The following LMO2 variants were observed in gnomAD, a reference collection of about 807,000 sequenced individuals.
The protein encoded by LMO2 is rhombotin-2.
Under a neutral mutation model 23.2 loss-of-function variants are expected in LMO2, and 20 were observed. The ratio of observed to expected loss-of-function variants is 0.86; its 90% CI spans 0.61 to 1.25. The LOEUF is 1.25. Ranked by LOEUF, LMO2 falls within the 50% of genes most tolerant of loss-of-function variation. The pLI, the probability that LMO2 is intolerant of heterozygous loss-of-function variation, is 0.00. For synonymous variants in LMO2, 123 were observed against 130.2 expected, an observed-to-expected ratio of 0.94 and a Z score of 0.38; for missense variants, 270 against 315.3, an observed-to-expected ratio of 0.86 and a Z score of 1.09.
chr11:33,873,636 C>T lies in LMO2; in HGVS notation c.-271-3649G>A, dbSNP rs1590645529. Reference sequence around the variant, plus strand: ...AGTTGAGAAAATCTCTATTTGATCCCTGCCAGTGGGACTGAAATTTCATTC... The same window carrying T: ...AGTTGAGAAAATCTCTATTTGATCCTTGCCAGTGGGACTGAAATTTCATTC... On this transcript the variant is annotated intron_variant, in intron 2 of 5. Transcript: ENST00000257818. Among the ~76,000 whole-genome samples the T allele has an allele frequency of 2.6e-5, 4 of 152,284 alleles. No individual in the cohort carries two copies. In the South Asian group the frequency reaches 8.3e-4, roughly 32 times the overall value.
rs1565034727 is a variant in LMO2, at chr11:33,880,254, T to TATATATATCATATATACACATG, written c.-272+1569_-272+1570insCATGTGTATATATGATATATAT. Among the ~76,000 whole-genome samples the TATATATATCATATATACACATG allele has an allele frequency of 0.084, 3,957 of 47,246 alleles. 912 individuals are homozygous for TATATATATCATATATACACATG. Among genetic ancestry groups the TATATATATCATATATACACATG allele is most frequent in the Non-Finnish European group, 0.11 (2,319 of 20,198 alleles). 31.0% of individuals were successfully genotyped at this position (47,246 alleles called of 152,430 possible). A position where few individuals can be genotyped will look rare whatever the true frequency, so the allele number is the denominator to read the frequency against. On this transcript the variant is annotated intron_variant, in intron 2 of 5. Coordinates refer to ENST00000257818, the MANE Select transcript of LMO2 (RefSeq NM_005574.4). This position sits in a 1 kb window ranked among gnomAD's most constrained non-coding sequence, Gnocchi z 4.3. ...ATATATATATCATATATACACATGATATATATATCATACATACACATGATA... is the reference window on the plus strand; with the variant it reads ...ATATATATATCATATATACACATGATATATATATCATATATACACATGATATATATCATACATACACATGATA...
intron 5 of LMO2, among the ~76,000 whole-genome samples, chr11:33,861,018 G>A (rs1856555099): frequency 6.6e-6 from 1 of 152,178 alleles, no homozygotes; most frequent in Admixed American, 6.5e-5. Flanking sequence ...AGAGACCTCT[G>A]ATTCTCTGAG....
intron 1 of LMO2, among the ~76,000 whole-genome samples, chr11:33,883,056 A>C (rs1334758640): frequency 6.6e-6 from 1 of 152,074 alleles, no homozygotes; most frequent in Non-Finnish European, 1.5e-5. Flanking sequence ...CCGTTATTTA[A>C]TTTTCATCAT....
chr11:33,890,746 G>A (rs1237183480), intron 1 of LMO2, among the ~76,000 whole-genome samples: 1 of 152,022 alleles, frequency 6.6e-6, no homozygotes, highest in African/African-American at 2.4e-5. Context: ...TGACTGATGA[G>A]GGCTAAGTAC....
rs1399014954 is a variant in LMO2 at position 33,880,215 on chromosome 11, C to CATATATACACATGATATATATATT, written c.-272+1608_-272+1609insAATATATATATCATGTGTATATAT. Reference sequence around the variant, plus strand: ...TCATATATACACATGATATATATATCATATATACACATGATATATATATCA... The same window carrying CATATATACACATGATATATATATT: ...TCATATATACACATGATATATATATCATATATACACATGATATATATATTATATATACACATGATATATATATCA... On this transcript the variant is annotated intron_variant, in intron 2 of 5. Transcript: ENST00000257818. The surrounding 1 kb of genome is among the most constrained non-coding windows in gnomAD (Gnocchi z 4.3). 9.7e-5 allele frequency among the ~76,000 whole-genome samples: 14 copies of CATATATACACATGATATATATATT among 144,710 alleles called. 1 individual carries two copies. Among genetic ancestry groups the CATATATACACATGATATATATATT allele is most frequent in the African/African-American group, 3.1e-4 (12 of 38,660 alleles). 94.9% of individuals were successfully genotyped at this position (144,710 alleles called of 152,430 possible). A position where few individuals can be genotyped will look rare whatever the true frequency, so the allele number is the denominator to read the frequency against.
At chr11:33,879,385 T>C (rs1857209268) in intron 2 of LMO2, among the ~76,000 whole-genome samples, 1 of 150,628 alleles carries the variant, frequency 6.6e-6, no homozygotes, top group Non-Finnish European at 1.5e-5. Flanking sequence ...TTTGGGAGGC[T>C]GAGGTGGGTG....
chr11:33,871,307 T>C (rs1328674919), intron 2 of LMO2, among the ~76,000 whole-genome samples: 2 of 151,848 alleles, frequency 1.3e-5, no homozygotes, highest in Non-Finnish European at 2.9e-5. Context: ...AAAAGACTTT[T>C]TCGGCTGTGC....
intron 1 of LMO2, among the ~76,000 whole-genome samples, chr11:33,889,414 A>G (rs979522272): frequency 1.3e-5 from 2 of 152,302 alleles, no homozygotes; most frequent in Non-Finnish European, 2.9e-5. Context: ...CATCCGTTCA[A>G]CAGAATCGCT....
Position 33,877,341 on chromosome 11 carries a change from G to C in LMO2, c.-272+4483C>G, listed in dbSNP as rs565884546. ...GAGGAAGTGGGGAGGATGAGGACAG[G>C]TCGCTGCTGGGGCAGCTGTGTTTTC... On this transcript the variant is annotated intron_variant, in intron 2 of 5. Transcript: ENST00000257818. 7.2e-5 allele frequency among the ~76,000 whole-genome samples: 11 copies of C among 152,312 alleles called. 1 individual carries two copies. In the South Asian group the frequency reaches 1.9e-3, roughly 26 times the overall value.
At chr11:33,871,144 G>C (rs1246075208) in intron 2 of LMO2, 2 of 789,082 alleles carry the variant, frequency 2.5e-6, no homozygotes, top group Non-Finnish European at 3.1e-6. Context: ...GCATGCTCTT[G>C]TCATTTTCTG....
At chr11:33,889,132 AT>A (rs2133720740) in intron 1 of LMO2, among the ~76,000 whole-genome samples, 1 of 152,348 alleles carries the variant, frequency 6.6e-6, no homozygotes, top group South Asian at 2.1e-4. Flanking sequence ...TGACAAGGTC[AT>A]TTGGAGCTCT....
At chr11:33,886,061 A>G (rs1288707689) in intron 1 of LMO2, among the ~76,000 whole-genome samples, 1 of 152,068 alleles carries the variant, frequency 6.6e-6, no homozygotes, top group East Asian at 1.9e-4. Context: ...TATTTTTAGT[A>G]GAGACGGGGT....
intron 1 of LMO2, among the ~76,000 whole-genome samples, chr11:33,883,013 T>C (rs1857323240): frequency 1.3e-5 from 2 of 152,358 alleles, no homozygotes; most frequent in Middle Eastern, 3.4e-3. Context: ...ATACCTGATC[T>C]AAAAAATAGC....
At chr11:33,869,626 G>A (rs1856937004) in intron 3 of LMO2, 40 bp from the exon 4 acceptor site, 5 of 1,261,708 alleles carry the variant, frequency 4.0e-6, no homozygotes, top group Non-Finnish European at 5.0e-6. Flanking sequence ...ACCGGGCTGC[G>A]GGCGCGCCGC....
chr11:33,879,352 G>C (rs538217701), intron 2 of LMO2, among the ~76,000 whole-genome samples: 1 of 152,066 alleles, frequency 6.6e-6, no homozygotes, highest in South Asian at 2.1e-4. Context: ...GGGCACTGTG[G>C]CTCACACCTG....
intron 1 of LMO2, among the ~76,000 whole-genome samples, chr11:33,887,786 C>G (rs961253683): frequency 1.3e-5 from 2 of 152,122 alleles, no homozygotes; most frequent in Admixed American, 1.3e-4. Context: ...GTTGCTCAGG[C>G]TGATCTCAAA....
intron 4 of LMO2, among the ~76,000 whole-genome samples, chr11:33,868,024 A>C (rs1856849056): frequency 6.6e-6 from 1 of 152,180 alleles, no homozygotes; most frequent in African/African-American, 2.4e-5. Flanking sequence ...TTAAAAAGGA[A>C]TGTTATTTTT....
intron 5 of LMO2, among the ~76,000 whole-genome samples, chr11:33,862,487 C>T (rs1856619206): frequency 6.6e-6 from 1 of 152,178 alleles, no homozygotes; most frequent in Admixed American, 6.5e-5. Context: ...AACAATACAA[C>T]ACAGCAGCAG....
At position 33,859,196 on chromosome 11, in the gene LMO2, C is replaced by T; in HGVS notation, c.*160G>A. ...AAGTGTCAGCCCCTGAATTATGCCA[C>T]TTGGATGCTATGTCTTGATACCCAA... On this transcript the variant is annotated 3_prime_UTR_variant, in exon 6 of 6. Coordinates refer to ENST00000257818, the MANE Select transcript of LMO2 (RefSeq NM_005574.4). 1.7e-6 allele frequency: 1 copy of T among 597,674 alleles called. No individual in the cohort carries two copies. Among genetic ancestry groups the T allele is most frequent in the Non-Finnish European group, 3.0e-6 (1 of 333,462 alleles). 37.0% of individuals were successfully genotyped at this position (597,674 alleles called of 1,614,324 possible).
Sources: gnomAD v4.1 joint callset for allele counts (sites outside exome capture counted in the v4.1 genomes callset) on GRCh38, gnomAD v4.1.1 for gene constraint, Gnocchi (gnomAD v3.1) non-coding constraint, MANE v1.5 for transcripts, NCBI Gene and HGNC (gene_info 2026-07-23, HGNC 2026-07-21) for gene names.